Variants in GRHL3 observed in about 807,000 individuals in gnomAD.
GRHL3 encodes grainyhead like transcription factor 3, also known as grainyhead-like protein 3 homolog.
A neutral mutation model predicts 70.3 loss-of-function variants in GRHL3; 20 were observed. The observed-to-expected ratio is 0.28, with a 90% CI of 0.20 to 0.41. The LOEUF (loss-of-function observed/expected upper bound fraction) is 0.41, where lower values mean the gene tolerates loss of function less well. Ranked by LOEUF, GRHL3 falls within the 10% of genes least tolerant of loss-of-function variation. GRHL3 has a pLI of 1.00. For synonymous variants in GRHL3, 299 were observed against 299.9 expected (o/e 1.00, Z 0.03); for missense variants, 637 against 762.3 (o/e 0.84, Z 1.94).
chr1:24,319,538 T>C lies in GRHL3; in HGVS notation c.-14T>C. ...GAGCCTCAGTGCTGATCGTCGGAGC[T>C]TGGGAGCAGGAAGATGTCGAATGAA... is the stretch of plus-strand genomic sequence containing the variant. On this transcript the variant is annotated 5_prime_UTR_variant, in exon 1 of 16. Coordinates refer to ENST00000361548, the MANE Select transcript of GRHL3 (RefSeq NM_198173.3). 1 of 1,613,438 alleles carries C rather than the reference T, an allele frequency of 6.2e-7. No individual in the cohort carries two copies. Among genetic ancestry groups the C allele is most frequent in the Non-Finnish European group, 8.5e-7 (1 of 1,179,460 alleles).
chr1:24,343,005 A>T lies in GRHL3; in HGVS notation c.1399A>T (p.Ser467Cys), dbSNP rs1257730338. 1 of 1,613,994 alleles carries T rather than the reference A, an allele frequency of 6.2e-7. No homozygotes were observed. The highest frequency in any genetic ancestry group is 1.7e-5 in the Admixed American group (1 of 60,018). ...VLFIPNVHFS[S>C]LQRSGGAAPS... Reference sequence around the variant, plus strand: ...GTTCATCCCCAATGTGCACTTCTCCAGCCTGCAGCGCTCTGGAGGGGTGAG... The same window carrying T: ...GTTCATCCCCAATGTGCACTTCTCCTGCCTGCAGCGCTCTGGAGGGGTGAG... Residue 467 changes from serine (S) to cysteine (C), a missense_variant, in exon 11 of 16, where the codon AGC (serine) becomes TGC (cysteine). Ser to Cys is a moderately radical substitution (Grantham distance 112). Coordinates refer to ENST00000361548, the MANE Select transcript of GRHL3 (RefSeq NM_198173.3).
chr1:24,335,613 C>T (rs867996170), intron 3 of GRHL3, among the ~76,000 whole-genome samples: 4 of 146,130 alleles, frequency 2.7e-5, no homozygotes, highest in South Asian at 4.2e-4. Flanking sequence ...GACGGAGTCT[C>T]GCTCTGTTGC....
chr1:24,327,066 T>C (rs1339691093), intron 1 of GRHL3, among the ~76,000 whole-genome samples: 1 of 152,128 alleles, frequency 6.6e-6, no homozygotes, highest in Non-Finnish European at 1.5e-5. Context: ...CATTTGGAGG[T>C]TCTGGGATGA....
At chr1:24,331,731 A>G (rs1266156923) in intron 2 of GRHL3, 119 bp downstream of exon 2, 4 of 744,158 alleles carry the variant, frequency 5.4e-6, no homozygotes, top group African/African-American at 1.8e-5. Context: ...GCCTTTGCAC[A>G]ATGCTGTTCC....
intron 15 of GRHL3, 136 bp downstream of exon 15, chr1:24,350,258 C>T (rs927006345): frequency 1.6e-6 from 1 of 636,838 alleles, no homozygotes; most frequent in African/African-American, 1.8e-5. Context: ...CACTGGTCAC[C>T]TCTCCATCTG....
At chr1:24,355,504 C>T (rs923259785), downstream of GRHL3, among the ~76,000 whole-genome samples, 15 of 152,194 alleles carry the variant, frequency 9.9e-5, no homozygotes, top group Non-Finnish European at 4.4e-5. Context: ...TGGAAGGCAG[C>T]AGATTCCTGA....
intron 1 of GRHL3, among the ~76,000 whole-genome samples, chr1:24,329,696 G>A (rs944993363): frequency 1.3e-5 from 2 of 152,150 alleles, no homozygotes; most frequent in Non-Finnish European, 1.5e-5. Flanking sequence ...ATGCATTATC[G>A]TAAATGGCAG....
chr1:24,333,933 G>C (rs1639700913), intron 2 of GRHL3, among the ~76,000 whole-genome samples: 1 of 152,188 alleles, frequency 6.6e-6, no homozygotes, highest in African/African-American at 2.4e-5. Flanking sequence ...TCCCCTTTAA[G>C]TAGGTATTAT....
chr1:24,353,835 G>A (rs1640610635), intron 15 of GRHL3, among the ~76,000 whole-genome samples: 1 of 151,524 alleles, frequency 6.6e-6, no homozygotes, highest in South Asian at 2.1e-4. Flanking sequence ...TGGGGAGAGA[G>A]TGGGCCTAGC....
intron 15 of GRHL3, among the ~76,000 whole-genome samples, chr1:24,351,713 C>T (rs1569925866): frequency 6.6e-6 from 1 of 152,290 alleles, no homozygotes; most frequent in Admixed American, 6.5e-5. Flanking sequence ...CCCAGCCCCA[C>T]TGGCTGAGTT....
At chr1:24,341,907 G>T (rs926381323) in intron 8 of GRHL3, among the ~76,000 whole-genome samples, 2 of 152,226 alleles carry the variant, frequency 1.3e-5, no homozygotes, top group African/African-American at 4.8e-5. Flanking sequence ...CACACTGCCC[G>T]TGTCACCTCG....
chr1:24,343,898 G>A (rs890193140), intron 11 of GRHL3, among the ~76,000 whole-genome samples: 1 of 152,194 alleles, frequency 6.6e-6, no homozygotes, highest in Admixed American at 6.5e-5. Context: ...AGAGCGGCCA[G>A]TGCTGACAGA....
rs1180716566 is a variant in GRHL3 at position 24,355,302 on chromosome 1, T to C, written c.*814T>C. ...GTATTTAGTAATAAAAATCTATCTA[T>C]GTATTACGTCACATTACTTCACATG... On this transcript the variant is annotated 3_prime_UTR_variant, in exon 16 of 16. Coordinates refer to ENST00000361548, the MANE Select transcript of GRHL3 (RefSeq NM_198173.3). The C allele has an allele frequency of 6.5e-6, 1 of 152,676 alleles. No homozygotes were observed. The highest frequency in any genetic ancestry group is 1.5e-5 in the Non-Finnish European group (1 of 68,046). The allele number at this position is 152,676 out of a possible 1,614,324, so 9.5% of individuals were successfully genotyped here.
intron 2 of GRHL3, among the ~76,000 whole-genome samples, chr1:24,332,924 A>G (rs1639663799): frequency 6.6e-6 from 1 of 152,134 alleles, no homozygotes; most frequent in Admixed American, 6.5e-5. Context: ...TGGCATCCAG[A>G]GAGTGTTCAG....
chr1:24,337,651 C>A lies in GRHL3; in HGVS notation c.702C>A (p.Thr234=). The A allele has an allele frequency of 6.2e-7, 1 of 1,614,170 alleles. No individual in the cohort carries two copies. The highest frequency in any genetic ancestry group is 8.5e-7 in the Non-Finnish European group (1 of 1,180,014). The change falls in exon 6 of 16, where the codon ACC becomes ACA. Residue 234 remains threonine (T), a synonymous_variant. Coordinates refer to ENST00000361548, the MANE Select transcript of GRHL3 (RefSeq NM_198173.3). ...YPSLKSDFEY[T]LGSPKAIHIK... is the part of the protein sequence containing the mutation. The stretch of plus-strand genomic sequence containing the variant: ...CTCCCTGCAGTGACTTTGAATACAC[C>A]CTGGGCTCCCCCAAAGCCATCCACA...
intron 4 of GRHL3, 23 bp downstream of exon 4, chr1:24,336,850 C>G (rs1266295878): frequency 1.3e-6 from 2 of 1,534,874 alleles, no homozygotes; most frequent in Non-Finnish European, 1.8e-6. Flanking sequence ...CCCCGCTCCC[C>G]TATAGCATAG....
At chr1:24,331,700 AC>A in intron 2 of GRHL3, 88 bp downstream of exon 2, 2 of 1,146,154 alleles carry the variant, frequency 1.7e-6, no homozygotes, top group East Asian at 2.4e-5. Context: ...CACCATGACC[AC>A]CCCAGCCCCT....
chr1:24,341,373 A>G (rs1345086119), intron 8 of GRHL3, among the ~76,000 whole-genome samples: 1 of 152,150 alleles, frequency 6.6e-6, no homozygotes, highest in Non-Finnish European at 1.5e-5. Context: ...AGGTGAAAGG[A>G]TTTGTCTGAA....
intron 15 of GRHL3, chr1:24,364,135 CT>C: frequency 4.1e-6 from 6 of 1,470,884 alleles, no homozygotes; most frequent in East Asian, 2.6e-5. Context: ...GAAACACCAA[CT>C]TTCCCTGCAA....
Sources: gnomAD v4.1 joint callset for allele counts (sites outside exome capture counted in the v4.1 genomes callset) on GRCh38, gnomAD v4.1.1 for gene constraint, MANE v1.5 for transcripts, NCBI Gene and HGNC (gene_info 2026-07-23, HGNC 2026-07-21) for gene names.